Variants in SEMA6D observed in about 807,000 individuals in gnomAD.
SEMA6D encodes semaphorin 6D.
Under a neutral mutation model 106.6 loss-of-function variants are expected in SEMA6D, and 35 were observed. The ratio of observed to expected loss-of-function variants is 0.33; its 90% CI spans 0.25 to 0.44. SEMA6D has a LOEUF of 0.44. SEMA6D is among the 20% of genes least tolerant of loss of function. The pLI, the probability that SEMA6D is intolerant of heterozygous loss-of-function variation, is 1.00. For missense variants in SEMA6D, 1,185 were observed against 1,345.9 expected (o/e 0.88, Z 1.87); for synonymous variants, 499 against 487.7 (o/e 1.02, Z -0.31).
intron 13 of SEMA6D, 99 bp downstream of exon 13, chr15:47,765,155 G>A (rs1597074588): frequency 6.6e-7 from 1 of 1,511,736 alleles, no homozygotes; most frequent in East Asian, 2.3e-5. Flanking sequence ...ATTAGCAGTG[G>A]TTTGGCATAA....
At chr15:47,730,484 T>C in intron 1 of SEMA6D, 1 of 1,307,930 alleles carries the variant, frequency 7.6e-7, no homozygotes, top group Non-Finnish European at 1.1e-6. Context: ...CAGCACCAGC[T>C]GAGCTTTCTT....
Position 47,704,707 on chromosome 15 carries a change from A to G in SEMA6D, c.-54-55038A>G, listed in dbSNP as rs558880211. Among the ~76,000 whole-genome samples, 8 of 148,730 alleles carry G rather than the reference A, an allele frequency of 5.4e-5. No individual in the cohort carries two copies. The South Asian group carries it at 1.7e-3, about 32-fold the overall frequency. On this transcript the variant is annotated intron_variant, in intron 4 of 19. Transcript: ENST00000558014. ...GCACTCCAGCCTGGGCAACAGAGCC[A>G]GACCCTGTCTCAAAAAAAAAATCTT...
At chr15:47,669,720 A>C (rs935908700) in intron 4 of SEMA6D, among the ~76,000 whole-genome samples, 10 of 152,036 alleles carry the variant, frequency 6.6e-5, no homozygotes, top group African/African-American at 2.4e-4. Context: ...CCTTCTCAAC[A>C]CTTTCAGGGA....
At chr15:47,529,273 G>C (rs990728341) in intron 3 of SEMA6D, among the ~76,000 whole-genome samples, 1 of 152,162 alleles carries the variant, frequency 6.6e-6, no homozygotes, top group African/African-American at 2.4e-5. Context: ...TGGTCTTGCT[G>C]TCTCATGGGT....
chr15:47,302,450 C>A (rs773009771), intron 1 of SEMA6D, among the ~76,000 whole-genome samples: 1 of 152,108 alleles, frequency 6.6e-6, no homozygotes, highest in African/African-American at 2.4e-5. Context: ...GAATAATGTT[C>A]CCAAAATATG....
At chr15:47,574,180 A>G (rs2076116104) in intron 3 of SEMA6D, among the ~76,000 whole-genome samples, 1 of 152,254 alleles carries the variant, frequency 6.6e-6, no homozygotes, top group Non-Finnish European at 1.5e-5. Context: ...GATGAAAAGA[A>G]TATTAGGACC....
At chr15:47,225,131 G>C (rs1220823033) in intron 1 of SEMA6D, among the ~76,000 whole-genome samples, 3 of 151,914 alleles carry the variant, frequency 2.0e-5, no homozygotes, top group Admixed American at 6.6e-5. Context: ...CAACTCTGGA[G>C]ACTTGAGGAA....
At chr15:47,621,032 G>A (rs75247175) in intron 4 of SEMA6D, among the ~76,000 whole-genome samples, 8,972 of 152,100 alleles carry the variant, frequency 0.059, 303 homozygotes, top group African/African-American at 0.085. Context: ...CATACACAAC[G>A]GGCATATAGA....
At chr15:47,420,210 A>G (rs762259018) in intron 2 of SEMA6D, among the ~76,000 whole-genome samples, 2 of 152,056 alleles carry the variant, frequency 1.3e-5, no homozygotes, top group African/African-American at 4.8e-5. Context: ...ACAGAGCCCA[A>G]TAGCTCAATT....
chr15:47,675,007 A>C (rs2078214526), intron 4 of SEMA6D, among the ~76,000 whole-genome samples: 1 of 152,242 alleles, frequency 6.6e-6, no homozygotes, highest in Non-Finnish European at 1.5e-5. Flanking sequence ...TGAGCAAATA[A>C]AACAGGCTAA....
At chr15:47,724,539 A>T (rs2079616807) in intron 1 of SEMA6D, among the ~76,000 whole-genome samples, 1 of 152,012 alleles carries the variant, frequency 6.6e-6, no homozygotes, top group African/African-American at 2.4e-5. Context: ...TGGTTCTTGA[A>T]CTAGGTAGGA....
chr15:47,210,104 C>T (rs116809386), intron 1 of SEMA6D, among the ~76,000 whole-genome samples: 223 of 152,290 alleles, frequency 1.5e-3, no homozygotes, highest in African/African-American at 5.1e-3. Context: ...AAGTTTCAAA[C>T]TTCAGTTTTT....
intron 4 of SEMA6D, among the ~76,000 whole-genome samples, chr15:47,616,116 C>G (rs562829807): frequency 6.6e-6 from 1 of 151,898 alleles, no homozygotes; most frequent in Non-Finnish European, 1.5e-5. Context: ...GATCTCTCAC[C>G]CTCTTTCATT....
intron 1 of SEMA6D, among the ~76,000 whole-genome samples, chr15:47,230,986 C>G (rs1475763545): frequency 1.3e-5 from 2 of 151,894 alleles, no homozygotes; most frequent in Non-Finnish European, 2.9e-5. Context: ...CTTTTTACCC[C>G]CTTTCCTCCC....
At chr15:47,237,803 G>T (rs1704508148) in intron 1 of SEMA6D, among the ~76,000 whole-genome samples, 1 of 152,068 alleles carries the variant, frequency 6.6e-6, no homozygotes, top group Admixed American at 6.6e-5. Flanking sequence ...AGATTCTGAG[G>T]CCCTGGAGGT....
chr15:47,284,748 C>G (rs1229013636), intron 1 of SEMA6D, among the ~76,000 whole-genome samples: 1 of 152,162 alleles, frequency 6.6e-6, no homozygotes, highest in Non-Finnish European at 1.5e-5. Flanking sequence ...AGAAATGGGA[C>G]AAGGTTTCTT....
At chr15:47,760,941 A>C in intron 3 of SEMA6D, 37 bp from the exon 4 acceptor site, 14 of 1,532,276 alleles carry the variant, frequency 9.1e-6, no homozygotes, top group Non-Finnish European at 1.3e-5. Flanking sequence ...ATTTTTATGT[A>C]TTCACGTGAT....
At chr15:47,730,449 C>T (rs180948696) in intron 1 of SEMA6D, 24 of 1,388,014 alleles carry the variant, frequency 1.7e-5, no homozygotes, top group Admixed American at 1.2e-4. Context: ...ACAACCAGCT[C>T]GATGGGATCC....
intron 3 of SEMA6D, among the ~76,000 whole-genome samples, chr15:47,579,140 A>AT (rs34862760): frequency 1.1e-4 from 14 of 129,366 alleles, no homozygotes; most frequent in East Asian, 6.7e-4. Context: ...AGAAATCTGT[A>AT]TTTTTTTTTT....
Sources: allele counts gnomAD v4.1 joint callset (sites outside exome capture counted in the v4.1 genomes callset), GRCh38; gene constraint gnomAD v4.1.1; transcripts MANE v1.5; gene names NCBI Gene and HGNC (gene_info 2026-07-23, HGNC 2026-07-21).